Variants in NDST3 observed in about 807,000 individuals in gnomAD.
The protein encoded by NDST3 is bifunctional heparan sulfate N-deacetylase/N-sulfotransferase 3.
A neutral mutation model predicts 96.1 loss-of-function variants in NDST3; 58 were observed. The observed-to-expected ratio is 0.60, with a 90% CI of 0.49 to 0.75. The LOEUF is 0.75. Among genes scored for constraint, NDST3 ranks in the 30% least tolerant of loss-of-function variants. The pLI is 0.00. For missense variants in NDST3, 788 were observed against 1,034.2 expected (o/e 0.76, Z 3.27); for synonymous variants, 333 against 359.7 (o/e 0.93, Z 0.84).
intron 2 of NDST3, among the ~76,000 whole-genome samples, chr4:118,098,893 A>G (rs1729556530): frequency 6.6e-6 from 1 of 152,070 alleles, no homozygotes. Context: ...ATTTAAAAAT[A>G]TAGTTTAAAA....
intron 1 of NDST3, among the ~76,000 whole-genome samples, chr4:118,039,123 A>G (rs1311804947): frequency 6.6e-6 from 1 of 152,176 alleles, no homozygotes; most frequent in African/African-American, 2.4e-5. Context: ...AGTCTTTTTA[A>G]AAACAGATGC....
chr4:118,056,589 C>T (rs902087169), intron 2 of NDST3, among the ~76,000 whole-genome samples: 2 of 151,962 alleles, frequency 1.3e-5, no homozygotes, highest in Non-Finnish European at 2.9e-5. Context: ...AGAGTATAAA[C>T]AGTCATTCAT....
chr4:118,171,358 C>T (rs1436356362), intron 6 of NDST3, among the ~76,000 whole-genome samples: 1 of 152,162 alleles, frequency 6.6e-6, no homozygotes, highest in African/African-American at 2.4e-5. Flanking sequence ...AAATTGATAT[C>T]CCCCTTAGGA....
At chr4:118,144,818 G>A (rs536201158) in intron 6 of NDST3, among the ~76,000 whole-genome samples, 9 of 152,078 alleles carry the variant, frequency 5.9e-5, no homozygotes, top group African/African-American at 2.2e-4. Flanking sequence ...CCCCTCTCTT[G>A]ACCTTAGTTT....
chr4:118,233,287 G>C (rs1164561948), intron 9 of NDST3, 152 bp downstream of exon 9: 1 of 600,308 alleles, frequency 1.7e-6, no homozygotes, highest in African/African-American at 1.9e-5. Flanking sequence ...AAGGGGCTCA[G>C]AAATTTTTCA....
chr4:118,044,090 A>G (rs906541942), intron 1 of NDST3, among the ~76,000 whole-genome samples: 3 of 152,222 alleles, frequency 2.0e-5, no homozygotes, highest in East Asian at 1.9e-4. Flanking sequence ...TAAGAATTGT[A>G]TAAGTTACAT....
chr4:118,127,379 G>T (rs1288881216), intron 4 of NDST3, among the ~76,000 whole-genome samples: 3 of 152,022 alleles, frequency 2.0e-5, no homozygotes, highest in Admixed American at 6.6e-5. Context: ...TATGGTGATA[G>T]ACAGGGGTTC....
intron 8 of NDST3, among the ~76,000 whole-genome samples, chr4:118,232,165 G>T (rs1004766003): frequency 6.6e-6 from 1 of 152,034 alleles, no homozygotes; most frequent in African/African-American, 2.4e-5. Context: ...ATAGGCCTCT[G>T]GAAGAACTTA....
At chr4:118,077,107 C>T (rs1228672806) in intron 2 of NDST3, among the ~76,000 whole-genome samples, 1 of 152,230 alleles carries the variant, frequency 6.6e-6, no homozygotes, top group Non-Finnish European at 1.5e-5. Flanking sequence ...GGAACTGGTA[C>T]AGGGCCCTTG....
intron 2 of NDST3, among the ~76,000 whole-genome samples, chr4:118,085,620 C>T (rs924779527): frequency 2.0e-5 from 3 of 152,040 alleles, no homozygotes; most frequent in African/African-American, 4.8e-5. Flanking sequence ...TGAACACTCT[C>T]GTTTCATTGT....
intron 4 of NDST3, among the ~76,000 whole-genome samples, chr4:118,133,013 G>T (rs552127178): frequency 5.9e-5 from 9 of 152,270 alleles, no homozygotes; most frequent in African/African-American, 2.2e-4. Flanking sequence ...GCTGTGAGTT[G>T]CACTTCCTGG....
chr4:118,216,030 T>A (rs527934313), intron 6 of NDST3, among the ~76,000 whole-genome samples: 2 of 152,170 alleles, frequency 1.3e-5, no homozygotes, highest in Non-Finnish European at 2.9e-5. Context: ...ACCATATGCT[T>A]ATGCGCTATG....
At chr4:118,241,564 C>A (rs1285641762) in intron 11 of NDST3, among the ~76,000 whole-genome samples, 1 of 152,192 alleles carries the variant, frequency 6.6e-6, no homozygotes, top group Non-Finnish European at 1.5e-5. Flanking sequence ...AGAATCTAAC[C>A]TTATTCTCCA....
At chr4:118,162,594 T>A (rs1424246330) in intron 6 of NDST3, among the ~76,000 whole-genome samples, 2 of 150,724 alleles carry the variant, frequency 1.3e-5, no homozygotes, top group East Asian at 1.9e-4. Context: ...TATACAAAAA[T>A]CAATTCAAGA....
intron 2 of NDST3, among the ~76,000 whole-genome samples, chr4:118,088,173 T>A (rs1305606025): frequency 6.6e-6 from 1 of 152,010 alleles, no homozygotes; most frequent in African/African-American, 2.4e-5. Flanking sequence ...TTTAAAAATA[T>A]GTACTGTGAA....
chr4:118,149,230 C>T (rs569748025), intron 6 of NDST3, among the ~76,000 whole-genome samples: 4 of 151,994 alleles, frequency 2.6e-5, no homozygotes, highest in South Asian at 2.1e-4. Context: ...ATTGACTTGG[C>T]GATGCGGGCT....
chr4:118,213,919 G>A lies in NDST3; in HGVS notation c.1540-10572G>A, dbSNP rs78387276. Among the ~76,000 whole-genome samples the A allele has an allele frequency of 3.3e-5, 5 of 152,064 alleles. No individual in the cohort carries two copies. In the East Asian group the frequency reaches 9.7e-4, roughly 29 times the overall value. On this transcript the variant is annotated intron_variant, in intron 6 of 13. Coordinates refer to ENST00000296499, the MANE Select transcript of NDST3 (RefSeq NM_004784.3). Reference sequence around the variant, plus strand: ...GTAGCCTATTATGTAATTAAATTAAGTTTAACAAACATTTCTTTAATGAAC... The same window carrying A: ...GTAGCCTATTATGTAATTAAATTAAATTTAACAAACATTTCTTTAATGAAC...
intron 2 of NDST3, among the ~76,000 whole-genome samples, chr4:118,066,136 A>T (rs28434240): frequency 0.018 from 203 of 11,596 alleles, 4 homozygotes; most frequent in East Asian, 0.061. Flanking sequence ...ATATTATATA[A>T]TATATTTTAT....
At chr4:118,208,170 T>C (rs1738566278) in intron 6 of NDST3, among the ~76,000 whole-genome samples, 1 of 144,176 alleles carries the variant, frequency 6.9e-6, no homozygotes, top group African/African-American at 2.6e-5. Flanking sequence ...ATACACCAAA[T>C]GTGAATCTAC....
Sources: gnomAD v4.1 joint callset for allele counts (sites outside exome capture counted in the v4.1 genomes callset) on GRCh38, gnomAD v4.1.1 for gene constraint, MANE v1.5 for transcripts, NCBI Gene and HGNC (gene_info 2026-07-23, HGNC 2026-07-21) for gene names.